ATXN10: variants seen among roughly 807,000 people sequenced by gnomAD.
ATXN10 encodes the protein ataxin-10.
A neutral mutation model predicts 52.9 loss-of-function variants in ATXN10; 28 were observed. The ratio of observed to expected loss-of-function variants is 0.53; its 90% confidence interval spans 0.39 to 0.73. The LOEUF (loss-of-function observed/expected upper bound fraction) is 0.73. ATXN10 is among the 30% of genes least tolerant of loss of function. ATXN10 has a pLI of 0.00. For synonymous variants in ATXN10, 226 were observed against 221.5 expected, an observed-to-expected ratio of 1.02 and a Z score of -0.18; for missense variants, 565 against 577.0, an observed-to-expected ratio of 0.98 and a Z score of 0.21.
intron 6 of ATXN10, among the ~76,000 whole-genome samples, chr22:45,721,784 T>C (rs907124173): frequency 2.0e-5 from 3 of 152,154 alleles, no homozygotes; most frequent in Non-Finnish European, 4.4e-5. Flanking sequence ...ATTGGAGTTC[T>C]GAGGCCTGTA....
intron 9 of ATXN10, among the ~76,000 whole-genome samples, chr22:45,741,094 T>C (rs555140352): frequency 6.6e-6 from 1 of 152,324 alleles, no homozygotes; most frequent in East Asian, 1.9e-4. Flanking sequence ...GACCACATGC[T>C]TCAGATTGAT....
At position 45,823,064 on chromosome 22, in the gene ATXN10, C is replaced by T. The variant is rs1381573177; in HGVS notation, c.1237+16042C>T. On this transcript the variant is annotated intron_variant, in intron 10 of 11. Coordinates refer to ENST00000252934, the MANE Select transcript of ATXN10 (RefSeq NM_013236.4). This position sits in a 1 kb window ranked among gnomAD's most constrained non-coding sequence, Gnocchi z 4.9. ...GTCTTATTATTTCATTGAGGTATAA[C>T]TTAAATAGAGTAAACTGCAAAATTT... The T allele has an allele frequency of 2.3e-6, 1 of 436,548 alleles. No homozygotes were observed. Among genetic ancestry groups the T allele is most frequent in the Non-Finnish European group, 4.7e-6 (1 of 212,106 alleles). 27.0% of individuals were successfully genotyped at this position (436,548 alleles called of 1,614,324 possible). A position where few individuals can be genotyped will look rare whatever the true frequency, so the allele number is the denominator to read the frequency against.
chr22:45,703,473 T>C (rs1923918640), intron 5 of ATXN10, among the ~76,000 whole-genome samples: 2 of 152,196 alleles, frequency 1.3e-5, no homozygotes, highest in South Asian at 2.1e-4. Flanking sequence ...TTCGCTGTTA[T>C]TTGTTTGAAT....
At chr22:45,737,293 G>A (rs1034567929) in intron 7 of ATXN10, among the ~76,000 whole-genome samples, 1 of 152,214 alleles carries the variant, frequency 6.6e-6, no homozygotes, top group Admixed American at 6.5e-5. Flanking sequence ...GCTATGACAA[G>A]ATGTCCAGGG....
At chr22:45,751,763 A>AAAAAAAAAT in intron 9 of ATXN10, among the ~76,000 whole-genome samples, 1 of 66,630 alleles carries the variant, frequency 1.5e-5, no homozygotes, top group Non-Finnish European at 2.9e-5. Flanking sequence ...AATAAAAAAA[A>AAAAAAAAAT]AATAATAATA....
chr22:45,687,755 C>A (rs1289984036), intron 1 of ATXN10, among the ~76,000 whole-genome samples: 1 of 152,152 alleles, frequency 6.6e-6, no homozygotes, highest in Non-Finnish European at 1.5e-5. Context: ...CTCCTTAAAG[C>A]TACCTTAAGA....
rs368871895 is a variant in ATXN10, at chr22:45,842,997, C to A, written c.1244C>A (p.Thr415Asn). ...CNISDSNPFL[T>N]QWVIYAIRNL... The stretch of plus-strand genomic sequence containing the variant: ...TCCTTCACTCTGGCTCCAGTTCTGA[C>A]CCAGTGGGTGATATATGCCATCCGA... The change falls in exon 11 of 12, where the codon ACC (threonine) becomes AAC (asparagine). Residue 415 changes from threonine to asparagine, a missense_variant. By Grantham distance (65) the Thr-to-Asn change is moderately conservative. Coordinates refer to ENST00000252934, the MANE Select transcript of ATXN10 (RefSeq NM_013236.4). The surrounding 1 kb of genome is among the most constrained non-coding windows in gnomAD (Gnocchi z 4.8). The A allele has an allele frequency of 1.2e-6, 2 of 1,613,994 alleles. No individual in the cohort carries two copies. Among genetic ancestry groups the A allele is most frequent in the South Asian group, 2.2e-5 (2 of 91,092 alleles).
chr22:45,710,797 G>C (rs577823683), intron 5 of ATXN10, among the ~76,000 whole-genome samples: 4 of 152,328 alleles, frequency 2.6e-5, no homozygotes, highest in African/African-American at 7.2e-5. Flanking sequence ...AGTATTTCCT[G>C]TCTGGCCCTT....
intron 9 of ATXN10, among the ~76,000 whole-genome samples, chr22:45,745,274 A>C (rs1925684789): frequency 6.6e-6 from 1 of 152,194 alleles, no homozygotes; most frequent in Non-Finnish European, 1.5e-5. Context: ...TTAGAAGAAA[A>C]ACCAAACGTT....
Position 45,754,725 on chromosome 22 carries a change from C to T in ATXN10, c.1173+14187C>T, listed in dbSNP as rs1350783370. ...AAAAAATTAGCCAGATATGGTGGCT[C>T]ATGCCTGTAGTCCCAGCTACTTGGG... is the stretch of plus-strand genomic sequence containing the variant. On this transcript the variant is annotated intron_variant, in intron 9 of 11. Coordinates refer to ENST00000252934, the MANE Select transcript of ATXN10 (RefSeq NM_013236.4). The surrounding 1 kb of genome is among the most constrained non-coding windows in gnomAD (Gnocchi z 5.4). 1.3e-5 allele frequency among the ~76,000 whole-genome samples: 2 copies of T among 152,220 alleles called. No homozygotes were observed. The highest frequency in any genetic ancestry group is 2.9e-5 in the Non-Finnish European group (2 of 68,046).
chr22:45,817,873 C>T (rs891916000), intron 10 of ATXN10, among the ~76,000 whole-genome samples: 1 of 152,126 alleles, frequency 6.6e-6, no homozygotes, highest in Non-Finnish European at 1.5e-5. Flanking sequence ...ACTGCCTCCA[C>T]TACACAGATG....
rs1226177087 is a variant in ATXN10 at position 45,823,377 on chromosome 22, AT to A, written c.1237+16358del. ...CTTTACAGTTTTGCCTTCTATCTGGATTTGTAATCTATCAGAATTGTAATTA... is the reference window on the plus strand; with the variant it reads ...CTTTACAGTTTTGCCTTCTATCTGGATTGTAATCTATCAGAATTGTAATTA... On this transcript the variant is annotated intron_variant, in intron 10 of 11. Coordinates refer to ENST00000252934, the MANE Select transcript of ATXN10 (RefSeq NM_013236.4). This position sits in a 1 kb window ranked among gnomAD's most constrained non-coding sequence, Gnocchi z 4.9. The A allele has an allele frequency of 3.2e-6, 1 of 312,380 alleles. No individual in the cohort carries two copies. Among genetic ancestry groups the A allele is most frequent in the African/African-American group, 2.2e-5 (1 of 45,250 alleles). The allele number at this position is 312,380 out of a possible 1,614,324, so 19.4% of individuals were successfully genotyped here.
rs1280227126 is a variant in ATXN10 at position 45,795,595 on chromosome 22, G to A, written c.1174-11364G>A. 6.6e-6 allele frequency among the ~76,000 whole-genome samples: 1 copy of A among 152,126 alleles called. No individual in the cohort carries two copies. Among genetic ancestry groups the A allele is most frequent in the South Asian group, 2.1e-4 (1 of 4,818 alleles). ...AGCTAATTTTTGTATTTTTAGTAGA[G>A]ACGGTGTTTCGGGAAGTCAGGGACC... On this transcript the variant is annotated intron_variant, in intron 9 of 11. Transcript: ENST00000252934. This position sits in a 1 kb window ranked among gnomAD's most constrained non-coding sequence, Gnocchi z 4.6.
At position 45,823,319 on chromosome 22, in the gene ATXN10, C is replaced by T. The variant is rs1007433655; in HGVS notation, c.1237+16297C>T. The T allele has an allele frequency of 2.5e-6, 1 of 396,622 alleles. No individual in the cohort carries two copies. Among genetic ancestry groups the T allele is most frequent in the Middle Eastern group, 3.7e-4 (1 of 2,712 alleles). 24.6% of individuals were successfully genotyped at this position (396,622 alleles called of 1,614,324 possible). A position where few individuals can be genotyped will look rare whatever the true frequency, so the allele number is the denominator to read the frequency against. On this transcript the variant is annotated intron_variant, in intron 10 of 11. Transcript: ENST00000252934. This position sits in a 1 kb window ranked among gnomAD's most constrained non-coding sequence, Gnocchi z 4.9. The stretch of plus-strand genomic sequence containing the variant: ...TCTATGTTTAGTGATTTTTGTGTCT[C>T]TGAGGTCTGAGGTCATAAAAGTATG...
intron 9 of ATXN10, among the ~76,000 whole-genome samples, chr22:45,776,104 G>A (rs1483127952): frequency 6.6e-6 from 1 of 152,166 alleles, no homozygotes; most frequent in Non-Finnish European, 1.5e-5. Flanking sequence ...TCGAAATCAA[G>A]ATGGTGATAT....
chr22:45,748,438 A>C (rs1160309730), intron 9 of ATXN10, among the ~76,000 whole-genome samples: 2 of 152,222 alleles, frequency 1.3e-5, no homozygotes, highest in Non-Finnish European at 2.9e-5. Context: ...GAGGAAGTAA[A>C]ATGAAAACAA....
chr22:45,765,170 G>T (rs555720787), intron 9 of ATXN10, among the ~76,000 whole-genome samples: 1 of 152,136 alleles, frequency 6.6e-6, no homozygotes, highest in Non-Finnish European at 1.5e-5. Context: ...TCATCGCGGG[G>T]CCAGTCCTAG....
At chr22:45,695,248 C>T (rs1399949784) in intron 3 of ATXN10, among the ~76,000 whole-genome samples, 1 of 148,872 alleles carries the variant, frequency 6.7e-6, no homozygotes, top group Non-Finnish European at 1.5e-5. Flanking sequence ...GGCATGCACC[C>T]AGGAGGCAGA....
rs1158004273 is a variant in ATXN10, at chr22:45,825,873, C to T, written c.1238-17118C>T. On this transcript the variant is annotated intron_variant, in intron 10 of 11. Coordinates refer to ENST00000252934, the MANE Select transcript of ATXN10 (RefSeq NM_013236.4). The surrounding 1 kb of genome is among the most constrained non-coding windows in gnomAD (Gnocchi z 4.5). Reference sequence around the variant, plus strand: ...TGGCTTGAGCTCAGGAGTTTGAGACCAGCCTGGTAACATGGCAAAACCCCA... The same window carrying T: ...TGGCTTGAGCTCAGGAGTTTGAGACTAGCCTGGTAACATGGCAAAACCCCA... Among the ~76,000 whole-genome samples the T allele has an allele frequency of 6.6e-6, 1 of 152,098 alleles. No homozygotes were observed. The highest frequency in any genetic ancestry group is 1.9e-4 in the East Asian group (1 of 5,194).
Sources: allele counts gnomAD v4.1 joint callset (sites outside exome capture counted in the v4.1 genomes callset), GRCh38; gene constraint gnomAD v4.1.1; non-coding constraint Gnocchi (gnomAD v3.1); transcripts MANE v1.5; gene names NCBI Gene and HGNC (gene_info 2026-07-23, HGNC 2026-07-21).